GLIS1: variants seen among roughly 807,000 people sequenced by gnomAD.
The protein encoded by GLIS1 is GLIS family zinc finger 1, also known as zinc finger protein GLIS1.
GLIS1 carries 24 observed loss-of-function variants against 63.8 expected under a neutral mutation model. That is an observed-to-expected ratio of 0.38 (90% CI 0.27 to 0.53). GLIS1 has a LOEUF of 0.53. GLIS1 is among the 20% of genes least tolerant of loss of function. The pLI is 0.85. For synonymous variants in GLIS1, 450 were observed against 482.5 expected, an observed-to-expected ratio of 0.93 and a Z score of 0.88; for missense variants, 1,036 against 1,074.1, an observed-to-expected ratio of 0.96 and a Z score of 0.50.
chr1:53,613,937 G>T (rs1645451533), intron 2 of GLIS1, among the ~76,000 whole-genome samples: 1 of 152,188 alleles, frequency 6.6e-6, no homozygotes. Flanking sequence ...GGTTTCTCTA[G>T]ATTTACTCAA....
chr1:53,613,176 A>G (rs1645444207), intron 2 of GLIS1, among the ~76,000 whole-genome samples: 1 of 152,240 alleles, frequency 6.6e-6, no homozygotes, highest in South Asian at 2.1e-4. Context: ...AGTCCGATAC[A>G]AGCTAATTTG....
At chr1:53,731,937 A>G (rs1270948768) in intron 2 of GLIS1, among the ~76,000 whole-genome samples, 3 of 152,218 alleles carry the variant, frequency 2.0e-5, no homozygotes, top group Non-Finnish European at 2.9e-5. Context: ...GGATCATCCA[A>G]CTGAACTGCT....
chr1:53,552,034 TC>T (rs1390579893), intron 4 of GLIS1, among the ~76,000 whole-genome samples: 3 of 151,408 alleles, frequency 2.0e-5, no homozygotes, highest in African/African-American at 7.3e-5. Context: ...ACCATACACA[TC>T]CCAACATACT....
chr1:53,701,702 A>G (rs1646524214), intron 2 of GLIS1, among the ~76,000 whole-genome samples: 1 of 152,156 alleles, frequency 6.6e-6, no homozygotes, highest in Non-Finnish European at 1.5e-5. Flanking sequence ...TTTGAAAATG[A>G]AAGAACTGGG....
chr1:53,727,081 C>G (rs1303790945), intron 2 of GLIS1, among the ~76,000 whole-genome samples: 6 of 152,212 alleles, frequency 3.9e-5, no homozygotes, highest in African/African-American at 9.6e-5. Context: ...GACTGAGGCT[C>G]AGAGTTCAAC....
chr1:53,614,983 ATCTC>A (rs1036846109), intron 2 of GLIS1, among the ~76,000 whole-genome samples: 1 of 151,780 alleles, frequency 6.6e-6, no homozygotes, highest in Admixed American at 6.6e-5. Flanking sequence ...ATTTTTAAAA[ATCTC>A]TATATTATAT....
intron 4 of GLIS1, among the ~76,000 whole-genome samples, chr1:53,554,000 C>A (rs1265317499): frequency 2.6e-5 from 4 of 152,152 alleles, no homozygotes; most frequent in Admixed American, 6.5e-5. Flanking sequence ...GCCTCAACAG[C>A]CTCCTGGGTG....
intron 10 of GLIS1, among the ~76,000 whole-genome samples, chr1:53,507,555 G>A (rs1644247968): frequency 6.6e-6 from 1 of 152,236 alleles, no homozygotes. Context: ...CATTTGTGTG[G>A]CCTAAGACAG....
intron 4 of GLIS1, among the ~76,000 whole-genome samples, chr1:53,575,479 A>C (rs147438639): frequency 9.0e-4 from 136 of 151,942 alleles, no homozygotes; most frequent in Non-Finnish European, 1.5e-3. Flanking sequence ...GTCCTTTAGC[A>C]CCTCGGTAGT....
intron 2 of GLIS1, among the ~76,000 whole-genome samples, chr1:53,690,918 TC>T (rs1473074444): frequency 6.6e-6 from 1 of 152,136 alleles, no homozygotes; most frequent in East Asian, 1.9e-4. Flanking sequence ...TACAATTATG[TC>T]CCCCTTTTTC....
rs533715582 is a variant in GLIS1, at chr1:53,559,490, G to C, written c.1321-29538C>G. Among the ~76,000 whole-genome samples, 4 of 152,288 alleles carry C rather than the reference G, an allele frequency of 2.6e-5. No homozygotes were observed. The East Asian group carries it at 5.8e-4, about 22-fold the overall frequency. The stretch of plus-strand genomic sequence containing the variant: ...ATCCTTCCGAGCCTGCTCGGCCCCT[G>C]CCCTGATCCTGCCAGGCGACCTCAG... On this transcript the variant is annotated intron_variant, in intron 4 of 10. Transcript: ENST00000628545.
intron 4 of GLIS1, among the ~76,000 whole-genome samples, chr1:53,538,298 CTGCATACATGAAT>C (rs1264406897): frequency 6.6e-6 from 1 of 152,216 alleles, no homozygotes; most frequent in Non-Finnish European, 1.5e-5. Context: ...GCAGTGCCAC[CTGCATACATGAAT>C]GGAAAGTGGG....
At chr1:53,650,639 A>T (rs185241629) in intron 2 of GLIS1, among the ~76,000 whole-genome samples, 64 of 151,946 alleles carry the variant, frequency 4.2e-4, no homozygotes, top group Non-Finnish European at 5.7e-4. Flanking sequence ...TGGTAGGGTC[A>T]TGAGGCGAGT....
At position 53,587,794 on chromosome 1, in the gene GLIS1, C is replaced by A. The variant is rs148895506; in HGVS notation, c.1320+6314G>T. The stretch of plus-strand genomic sequence containing the variant: ...TCCCTTCTGTGACCCCAGGACCCAG[C>A]CAGGGGGCACACAGCAGGTGCTTAG... On this transcript the variant is annotated intron_variant, in intron 4 of 10. Coordinates refer to ENST00000628545, the MANE Select transcript of GLIS1 (RefSeq NM_001367484.1). Among the ~76,000 whole-genome samples the A allele has an allele frequency of 3.9e-5, 6 of 152,312 alleles. No homozygotes were observed. In the East Asian group the frequency reaches 1.2e-3, roughly 29 times the overall value.
intron 2 of GLIS1, among the ~76,000 whole-genome samples, chr1:53,662,882 C>T (rs1646044424): frequency 6.6e-6 from 1 of 152,162 alleles, no homozygotes; most frequent in Non-Finnish European, 1.5e-5. Flanking sequence ...CTCCCCGGCG[C>T]TATAAAGCAA....
At position 53,520,751 on chromosome 1, in the gene GLIS1, C is replaced by T. The variant is rs1243165573; in HGVS notation, c.1609G>A (p.Asp537Asn). 6.2e-7 allele frequency: 1 copy of T among 1,606,308 alleles called. No individual in the cohort carries two copies. The highest frequency in any genetic ancestry group is 8.5e-7 in the Non-Finnish European group (1 of 1,176,606). Residue 537 changes from aspartate to asparagine, a missense_variant, in exon 7 of 11, where the codon GAC becomes AAC. Asp to Asn is a conservative substitution (Grantham distance 23). Coordinates refer to ENST00000628545, the MANE Select transcript of GLIS1 (RefSeq NM_001367484.1). Reference sequence around the variant, plus strand: ...TCGGTCAGGACGTCGGCCTCGGTGTCAGGGCCCGCATGCAGCTGGGGAGCA... The same window carrying T: ...TCGGTCAGGACGTCGGCCTCGGTGTTAGGGCCCGCATGCAGCTGGGGAGCA... ...QVRKKLHAGP[D>N]TEADVLTECL... is the part of the protein sequence containing the mutation.
intron 7 of GLIS1, among the ~76,000 whole-genome samples, chr1:53,519,118 G>A (rs1316807275): frequency 1.3e-5 from 2 of 152,222 alleles, no homozygotes; most frequent in African/African-American, 2.4e-5. Context: ...GTTAGGAGCT[G>A]GCACTTGAGA....
rs763691093 is a variant in GLIS1 at position 53,594,246 on chromosome 1, G to C, written c.1182C>G (p.Ser394Arg). The change falls in exon 4 of 11, where the codon AGC (serine) becomes AGG (arginine). Residue 394 changes from serine to arginine, a missense_variant. Ser to Arg is a moderately radical substitution (Grantham distance 110). Coordinates refer to ENST00000628545, the MANE Select transcript of GLIS1 (RefSeq NM_001367484.1). ...QEELVRHIEKSHIDQRKGEDF... is the reference protein window; with the variant it reads ...QEELVRHIEKRHIDQRKGEDF... Reference sequence around the variant, plus strand: ...CCTCGCCCTTGCGCTGGTCGATGTGGCTCTTCTCGATGTGCCGCACCAGCT... The same window carrying C: ...CCTCGCCCTTGCGCTGGTCGATGTGCCTCTTCTCGATGTGCCGCACCAGCT... 2.5e-6 allele frequency: 4 copies of C among 1,613,694 alleles called. No homozygotes were observed. In the Admixed American group the frequency reaches 6.7e-5, roughly 27 times the overall value.
At chr1:53,506,940 G>C (rs1044266881) in intron 10 of GLIS1, among the ~76,000 whole-genome samples, 164 bp from the exon 11 acceptor site, 1 of 152,164 alleles carries the variant, frequency 6.6e-6, no homozygotes, top group South Asian at 2.1e-4. Flanking sequence ...GGGGGAGCTG[G>C]CCGCTGGGGT....
Sources: gnomAD v4.1 joint callset for allele counts (sites outside exome capture counted in the v4.1 genomes callset) on GRCh38, gnomAD v4.1.1 for gene constraint, MANE v1.5 for transcripts, NCBI Gene and HGNC (gene_info 2026-07-23, HGNC 2026-07-21) for gene names.